The following ADAMTSL1 variants were observed in gnomAD, a reference collection of about 807,000 sequenced individuals.
The protein encoded by ADAMTSL1 is ADAMTS-like protein 1.
A neutral mutation model predicts 201.8 loss-of-function variants in ADAMTSL1; 126 were observed. That is an observed-to-expected ratio of 0.62 (90% CI 0.54 to 0.72). The LOEUF (loss-of-function observed/expected upper bound fraction) is 0.72. Ranked by LOEUF, ADAMTSL1 falls within the 30% of genes least tolerant of loss-of-function variation. The probability of loss-of-function intolerance (pLI) is 0.00; values close to 1 mark genes in which losing one functional copy is unlikely to be tolerated. For missense variants in ADAMTSL1, 2,679 were observed against 2,277.8 expected (o/e 1.18, Z -3.59); for synonymous variants, 1,121 against 903.4 (o/e 1.24, Z -4.32).
chr9:18,538,752 C>T (rs945177080), intron 3 of ADAMTSL1, among the ~76,000 whole-genome samples: 7 of 152,050 alleles, frequency 4.6e-5, no homozygotes, highest in Admixed American at 1.3e-4. Context: ...TAACAGTGGG[C>T]GTAAGGTAAA....
chr9:17,913,754 A>T (rs1825979711), intron 1 of ADAMTSL1, among the ~76,000 whole-genome samples: 1 of 152,216 alleles, frequency 6.6e-6, no homozygotes, highest in African/African-American at 2.4e-5. Flanking sequence ...GAACGGATCA[A>T]CAAAATTGAT....
At chr9:17,993,320 T>A (rs1819240294) in intron 1 of ADAMTSL1, among the ~76,000 whole-genome samples, 1 of 152,196 alleles carries the variant, frequency 6.6e-6, no homozygotes, top group Non-Finnish European at 1.5e-5. Context: ...ATGAATGTTT[T>A]TCTTCCTTAC....
intron 15 of ADAMTSL1, 95 bp downstream of exon 15, chr9:18,721,760 A>C: frequency 6.7e-7 from 1 of 1,483,840 alleles, no homozygotes; most frequent in South Asian, 1.4e-5. Flanking sequence ...TTTGTTACTC[A>C]GTGTTTTGAA....
At chr9:18,844,698 G>A (rs1323336978) in intron 23 of ADAMTSL1, among the ~76,000 whole-genome samples, 3 of 152,338 alleles carry the variant, frequency 2.0e-5, no homozygotes, top group African/African-American at 7.2e-5. Context: ...CACCCAGTTC[G>A]AGCTTCCTGG....
intron 2 of ADAMTSL1, among the ~76,000 whole-genome samples, chr9:18,343,382 G>T (rs1026043825): frequency 3.3e-5 from 5 of 151,972 alleles, no homozygotes; most frequent in African/African-American, 1.2e-4. Context: ...ATCTAAAAAT[G>T]AGGTTTTCTG....
chr9:18,597,024 T>C (rs1564078185), intron 4 of ADAMTSL1, among the ~76,000 whole-genome samples: 1 of 152,202 alleles, frequency 6.6e-6, no homozygotes, highest in Non-Finnish European at 1.5e-5. Context: ...GCCAATTAGA[T>C]TGAGAACTTC....
At chr9:17,938,669 A>G (rs531769634) in intron 1 of ADAMTSL1, among the ~76,000 whole-genome samples, 1 of 152,290 alleles carries the variant, frequency 6.6e-6, no homozygotes, top group Non-Finnish European at 1.5e-5. Flanking sequence ...AAAGCTAGGT[A>G]TGAGGAGAGA....
chr9:18,902,198 G>A (rs566474341), intron 26 of ADAMTSL1, among the ~76,000 whole-genome samples: 10 of 152,176 alleles, frequency 6.6e-5, no homozygotes, highest in Non-Finnish European at 8.8e-5. Context: ...CAATCGATAG[G>A]ACAACTAAAC....
At chr9:18,541,594 G>A (rs1480801709) in intron 3 of ADAMTSL1, among the ~76,000 whole-genome samples, 4 of 152,118 alleles carry the variant, frequency 2.6e-5, no homozygotes, top group African/African-American at 9.7e-5. Flanking sequence ...CAATCCCATG[G>A]ATAATGAGGA....
intron 2 of ADAMTSL1, among the ~76,000 whole-genome samples, chr9:18,391,824 C>CTTTTTTTTTTTTTTTTTTTTTTT (rs11407945): frequency 4.3e-5 from 5 of 116,736 alleles, no homozygotes; most frequent in Non-Finnish European, 6.7e-5. Context: ...TCTTTTCTTT[C>CTTTTTTTTTTTTTTTTTTTTTTT]TTTTTTTTTT....
chr9:18,628,672 T>A (rs1368865840), intron 5 of ADAMTSL1, among the ~76,000 whole-genome samples: 1 of 152,170 alleles, frequency 6.6e-6, no homozygotes, highest in Non-Finnish European at 1.5e-5. Context: ...GGGTAGGAAT[T>A]GACATCTTTA....
chr9:18,598,299 GTCTCTCAA>G (rs1348802571), intron 4 of ADAMTSL1, among the ~76,000 whole-genome samples: 2 of 152,126 alleles, frequency 1.3e-5, no homozygotes, highest in East Asian at 3.9e-4. Flanking sequence ...CTTACCCGAA[GTCTCTCAA>G]CTAGCAAGTG....
intron 2 of ADAMTSL1, among the ~76,000 whole-genome samples, chr9:18,397,179 C>T (rs1007620017): frequency 1.3e-5 from 2 of 152,084 alleles, no homozygotes; most frequent in African/African-American, 4.8e-5. Context: ...CCCTTATCCA[C>T]AGGTGGTATT....
chr9:18,641,507 CTT>C (rs1396700221), intron 7 of ADAMTSL1, among the ~76,000 whole-genome samples: 1 of 152,038 alleles, frequency 6.6e-6, no homozygotes, highest in Non-Finnish European at 1.5e-5. Context: ...AATCACATCT[CTT>C]TACTTCTGGT....
At chr9:18,299,018 A>T (rs1833590562) in intron 2 of ADAMTSL1, among the ~76,000 whole-genome samples, 1 of 149,970 alleles carries the variant, frequency 6.7e-6, no homozygotes, top group South Asian at 2.2e-4. Flanking sequence ...TCTCAAAAAA[A>T]AAAAATAATA....
intron 20 of ADAMTSL1, among the ~76,000 whole-genome samples, chr9:18,801,344 A>T (rs918059419): frequency 2.6e-5 from 4 of 152,212 alleles, no homozygotes; most frequent in East Asian, 3.8e-4. Flanking sequence ...GCAAACTTAT[A>T]TAGTTATGTA....
intron 2 of ADAMTSL1, among the ~76,000 whole-genome samples, chr9:18,509,055 G>A (rs1399044815): frequency 7.6e-6 from 1 of 130,720 alleles, no homozygotes; most frequent in Non-Finnish European, 1.6e-5. Flanking sequence ...GCGGTGGCGG[G>A]CGCCTGTAGT....
chr9:17,996,549 A>G (rs576099690), intron 1 of ADAMTSL1, among the ~76,000 whole-genome samples: 1 of 152,198 alleles, frequency 6.6e-6, no homozygotes, highest in Non-Finnish European at 1.5e-5. Flanking sequence ...AACACACTGC[A>G]TTATGGTTTT....
intron 23 of ADAMTSL1, among the ~76,000 whole-genome samples, chr9:18,866,444 A>G (rs1827546505): frequency 6.6e-6 from 1 of 152,238 alleles, no homozygotes; most frequent in African/African-American, 2.4e-5. Context: ...GAAAGCCTTG[A>G]AAAACAGATT....
Sources: allele counts gnomAD v4.1 joint callset (sites outside exome capture counted in the v4.1 genomes callset), GRCh38; gene constraint gnomAD v4.1.1; transcripts MANE v1.5; gene names NCBI Gene and HGNC (gene_info 2026-07-23, HGNC 2026-07-21).